NCK2: variants seen among roughly 807,000 people sequenced by gnomAD.
NCK2 encodes cytoplasmic protein NCK2.
Under a neutral mutation model 33.9 loss-of-function variants are expected in NCK2, and 16 were observed. The observed-to-expected ratio is 0.47, with a 90% CI of 0.32 to 0.72. The LOEUF (loss-of-function observed/expected upper bound fraction) is 0.72, where lower values mean the gene tolerates loss of function less well. NCK2 is among the 30% of genes least tolerant of loss of function. The pLI is 0.03. For missense variants in NCK2, 418 were observed against 537.3 expected, an observed-to-expected ratio of 0.78 and a Z score of 2.19; for synonymous variants, 273 against 239.9, an observed-to-expected ratio of 1.14 and a Z score of -1.27.
Position 105,881,866 on chromosome 2 carries a change from C to A in NCK2, c.765C>A (p.Leu255=). ...TCCCCAAAAACTACGTGGTGGTCCT[C>A]AGTGACGGGCCTGCCCTGCACCCTG... ...GLVPKNYVVV[L]SDGPALHPAH... The change falls in exon 4 of 5, where the codon CTC becomes CTA. Residue 255 remains leucine, a synonymous_variant. Coordinates refer to ENST00000233154, the MANE Select transcript of NCK2 (RefSeq NM_003581.5). The A allele has an allele frequency of 1.9e-6, 3 of 1,587,922 alleles. No individual in the cohort carries two copies. Among genetic ancestry groups the A allele is most frequent in the African/African-American group, 1.3e-5 (1 of 74,538 alleles).
At chr2:105,857,185 C>G (rs6739170) in intron 3 of NCK2, 141,889 of 152,292 alleles carry the variant, frequency 0.93, 66,169 homozygotes, top group East Asian at 0.98. Flanking sequence ...TTTCTAGAAG[C>G]AGAAAAGACA....
chr2:105,843,616 G>A (rs566689710), intron 2 of NCK2, among the ~76,000 whole-genome samples: 7 of 152,274 alleles, frequency 4.6e-5, no homozygotes, highest in South Asian at 2.1e-4. Flanking sequence ...ATGGTGATAC[G>A]TCACAGGGAC....
In NCK2 at chr2:105,744,925, G is replaced by A. The variant is rs1489032326; in HGVS notation, c.-414G>A. 1.4e-5 allele frequency: 2 copies of A among 146,220 alleles called. No homozygotes were observed. The highest frequency in any genetic ancestry group is 4.9e-5 in the African/African-American group (2 of 40,734). 9.1% of individuals were successfully genotyped at this position (146,220 alleles called of 1,614,324 possible). A position where few individuals can be genotyped will look rare whatever the true frequency, so the allele number is the denominator to read the frequency against. Reference sequence around the variant, plus strand: ...GCGGGGATCGTCAGGCCGGAGCCGCGCGGCCGAGCGGGCGGCGGGCGGAGG... The same window carrying A: ...GCGGGGATCGTCAGGCCGGAGCCGCACGGCCGAGCGGGCGGCGGGCGGAGG... On this transcript the variant is annotated 5_prime_UTR_variant, in exon 1 of 5. Transcript: ENST00000233154.
At chr2:105,865,513 C>A (rs906654992) in intron 3 of NCK2, among the ~76,000 whole-genome samples, 4 of 152,206 alleles carry the variant, frequency 2.6e-5, no homozygotes, top group Non-Finnish European at 4.4e-5. Flanking sequence ...CTCCCACCCA[C>A]ACGACTGTTG....
At chr2:105,848,382 T>C (rs1416917805) in intron 2 of NCK2, 1 of 152,174 alleles carries the variant, frequency 6.6e-6, no homozygotes, top group Non-Finnish European at 1.5e-5. Context: ...CCTCTGTAAT[T>C]TCAACGGTCG....
chr2:105,782,030 A>G (rs1690515482), intron 1 of NCK2, among the ~76,000 whole-genome samples: 1 of 152,178 alleles, frequency 6.6e-6, no homozygotes, highest in Admixed American at 6.5e-5. Flanking sequence ...AGGTCCCTCA[A>G]GCTGAGGGAG....
intron 1 of NCK2, among the ~76,000 whole-genome samples, chr2:105,762,867 G>A (rs1456268365): frequency 1.3e-5 from 2 of 152,166 alleles, no homozygotes; most frequent in African/African-American, 4.8e-5. Flanking sequence ...TAATAACTGT[G>A]TTCCACATAG....
At chr2:105,868,896 C>T (rs1210610499) in intron 3 of NCK2, among the ~76,000 whole-genome samples, 2 of 152,236 alleles carry the variant, frequency 1.3e-5, no homozygotes, top group South Asian at 2.1e-4. Context: ...GTCTGCCTCA[C>T]AGCAAGGCCA....
intron 1 of NCK2, among the ~76,000 whole-genome samples, chr2:105,782,062 G>C (rs975167804): frequency 5.9e-5 from 9 of 152,292 alleles, no homozygotes; most frequent in African/African-American, 1.7e-4. Context: ...CAAAGACCTG[G>C]TTTCCCAGGT....
chr2:105,882,760 T>C (rs932801116), intron 4 of NCK2, among the ~76,000 whole-genome samples: 24 of 152,256 alleles, frequency 1.6e-4, no homozygotes, highest in African/African-American at 5.5e-4. Context: ...TTTTCGTGTG[T>C]GAAGGAAATA....
chr2:105,823,655 A>G (rs116427876), intron 2 of NCK2, among the ~76,000 whole-genome samples: 1,818 of 152,110 alleles, frequency 0.012, 62 homozygotes, highest in African/African-American at 0.041. Context: ...ATGGAAACGA[A>G]TAACCCTTAG....
intron 4 of NCK2, among the ~76,000 whole-genome samples, chr2:105,890,421 A>C (rs1216915664): frequency 6.6e-6 from 1 of 152,260 alleles, no homozygotes; most frequent in Non-Finnish European, 1.5e-5. Context: ...CCTGGCTTAT[A>C]GTAAACTCTA....
At chr2:105,831,970 A>G (rs1676206541) in intron 2 of NCK2, among the ~76,000 whole-genome samples, 1 of 152,146 alleles carries the variant, frequency 6.6e-6, no homozygotes, top group Non-Finnish European at 1.5e-5. Context: ...GAAAATGTAG[A>G]TTGCTTTGGA....
intron 2 of NCK2, among the ~76,000 whole-genome samples, chr2:105,848,026 C>A (rs937524939): frequency 6.6e-6 from 1 of 152,176 alleles, no homozygotes; most frequent in Non-Finnish European, 1.5e-5. Flanking sequence ...TTCTGTTTTT[C>A]AATGACATAA....
rs752670187 is a variant in NCK2, at chr2:105,855,163, G to A, written c.100G>A (p.Asp34Asn). The A allele has an allele frequency of 1.1e-5, 18 of 1,614,074 alleles. No homozygotes were observed. Among genetic ancestry groups the A allele is most frequent in the South Asian group, 2.2e-5 (2 of 91,078 alleles). Reference protein sequence around the residue: ...KKNERLWLLDDSKTWWRVRNA... With the variant: ...KKNERLWLLDNSKTWWRVRNA... The stretch of plus-strand genomic sequence containing the variant: ...GAACGAGCGGCTGTGGTTGCTGGAC[G>A]ACTCCAAGACGTGGTGGCGGGTGAG... The change falls in exon 3 of 5, where the codon GAC becomes AAC. Residue 34 changes from aspartate (D) to asparagine (N), a missense_variant. Asp to Asn is a conservative substitution (Grantham distance 23). Transcript: ENST00000233154.
chr2:105,789,506 T>C (rs1445464345), intron 1 of NCK2, among the ~76,000 whole-genome samples: 8 of 152,212 alleles, frequency 5.3e-5, no homozygotes. Context: ...CTTTTTTCAA[T>C]GAGAAAAACA....
At chr2:105,796,218 C>T (rs1691077178) in intron 1 of NCK2, among the ~76,000 whole-genome samples, 1 of 152,198 alleles carries the variant, frequency 6.6e-6, no homozygotes, top group Non-Finnish European at 1.5e-5. Context: ...GGTTGAAAGA[C>T]AATCATTTGC....
chr2:105,776,800 T>C (rs1690318895), intron 1 of NCK2, among the ~76,000 whole-genome samples: 2 of 152,072 alleles, frequency 1.3e-5, no homozygotes, highest in South Asian at 4.1e-4. Context: ...GAGGGTACCA[T>C]AGCCCTCTGG....
chr2:105,870,988 G>A (rs557578267), intron 3 of NCK2, among the ~76,000 whole-genome samples: 1 of 152,174 alleles, frequency 6.6e-6, no homozygotes, highest in South Asian at 2.1e-4. Flanking sequence ...TCAGCGTGTT[G>A]TGTGCTTGGG....
Sources: gnomAD v4.1 joint callset for allele counts (sites outside exome capture counted in the v4.1 genomes callset) on GRCh38, gnomAD v4.1.1 for gene constraint, MANE v1.5 for transcripts, NCBI Gene and HGNC (gene_info 2026-07-23, HGNC 2026-07-21) for gene names.